Variants in FHIT observed in about 807,000 individuals in gnomAD.
FHIT encodes bis(5'-adenosyl)-triphosphatase.
FHIT carries 19 observed loss-of-function variants against 17.9 expected under a neutral mutation model. The observed-to-expected ratio is 1.06, with a 90% CI of 0.74 to 1.56. The LOEUF (loss-of-function observed/expected upper bound fraction) is 1.56. Ranked by LOEUF, FHIT falls within the 40% of genes most tolerant of loss-of-function variation. The probability of loss-of-function intolerance (pLI) is 0.00; values close to 1 mark genes in which losing one functional copy is unlikely to be tolerated. For missense variants in FHIT, 248 were observed against 189.2 expected, an observed-to-expected ratio of 1.31 and a Z score of -1.82; for synonymous variants, 81 against 69.7, an observed-to-expected ratio of 1.16 and a Z score of -0.81.
At chr3:60,957,453 G>A (rs1425124477) in intron 3 of FHIT, among the ~76,000 whole-genome samples, 2 of 151,960 alleles carry the variant, frequency 1.3e-5, no homozygotes, top group Non-Finnish European at 2.9e-5. Context: ...TAGCCACGAT[G>A]GTCTTGATCT....
At chr3:60,754,763 C>T (rs1440987317) in intron 4 of FHIT, among the ~76,000 whole-genome samples, 2 of 152,096 alleles carry the variant, frequency 1.3e-5, no homozygotes, top group African/African-American at 4.8e-5. Context: ...TCAACATTTA[C>T]CCTTTCTACA....
intron 4 of FHIT, among the ~76,000 whole-genome samples, chr3:60,783,986 C>CA (rs2108102455): frequency 6.6e-6 from 1 of 152,318 alleles, no homozygotes. Context: ...TTCAAACAGA[C>CA]ATATCACCCC....
chr3:61,035,966 G>A (rs890678274), intron 3 of FHIT, among the ~76,000 whole-genome samples: 2 of 152,158 alleles, frequency 1.3e-5, no homozygotes, highest in African/African-American at 4.8e-5. Context: ...TAGAGACAAT[G>A]CTCAAAATTT....
chr3:60,266,169 G>A (rs1706568117), intron 5 of FHIT, among the ~76,000 whole-genome samples: 1 of 151,970 alleles, frequency 6.6e-6, no homozygotes, highest in African/African-American at 2.4e-5. Flanking sequence ...ATTGATGGAT[G>A]AAAAGATAAA....
chr3:60,628,874 C>T (rs72872716), intron 4 of FHIT, among the ~76,000 whole-genome samples: 1,638 of 152,222 alleles, frequency 0.011, 37 homozygotes, highest in African/African-American at 0.038. Context: ...AGCTGGCAGG[C>T]AGAGTAACAC....
intron 3 of FHIT, among the ~76,000 whole-genome samples, chr3:60,914,834 G>T (rs1038237414): frequency 1.3e-5 from 2 of 152,192 alleles, no homozygotes; most frequent in Non-Finnish European, 2.9e-5. Context: ...AGAAATGTAG[G>T]CATTGCCAAA....
At chr3:61,167,973 G>C (rs2037891312) in intron 2 of FHIT, among the ~76,000 whole-genome samples, 1 of 152,158 alleles carries the variant, frequency 6.6e-6, no homozygotes, top group Non-Finnish European at 1.5e-5. Flanking sequence ...TCTATATCCA[G>C]TAACTATATC....
chr3:60,998,886 C>T (rs577011246), intron 3 of FHIT, among the ~76,000 whole-genome samples: 10 of 150,688 alleles, frequency 6.6e-5, no homozygotes, highest in East Asian at 5.9e-4. Flanking sequence ...ATTCAGGTAG[C>T]GAAGTCTAAA....
At chr3:60,986,274 C>A (rs1164704158) in intron 3 of FHIT, among the ~76,000 whole-genome samples, 1 of 152,184 alleles carries the variant, frequency 6.6e-6, no homozygotes, top group East Asian at 1.9e-4. Context: ...GAATTACTAT[C>A]ACTATCAAAG....
Position 60,223,807 on chromosome 3 carries a change from C to T in FHIT, c.104-209655G>A, listed in dbSNP as rs1331010793. ...CAATAGGACCCTGGGTTTTTCTCCC[C>T]TTCAGTAACCCTTAGCACAATGGTC... On this transcript the variant is annotated intron_variant, in intron 5 of 9. Coordinates refer to ENST00000492590, the MANE Select transcript of FHIT (RefSeq NM_002012.4). Among the ~76,000 whole-genome samples the T allele has an allele frequency of 2.0e-5, 3 of 152,098 alleles. No homozygotes were observed. In the East Asian group the frequency reaches 5.8e-4, roughly 29 times the overall value.
intron 5 of FHIT, among the ~76,000 whole-genome samples, chr3:60,448,139 G>A (rs2031473128): frequency 6.6e-6 from 1 of 152,072 alleles, no homozygotes; most frequent in Admixed American, 6.6e-5. Flanking sequence ...GGATTATAAC[G>A]GACTATAGCA....
At chr3:61,155,303 T>A (rs939254325) in intron 2 of FHIT, among the ~76,000 whole-genome samples, 1 of 152,208 alleles carries the variant, frequency 6.6e-6, no homozygotes, top group African/African-American at 2.4e-5. Flanking sequence ...CACAGGACTT[T>A]GCTACAGCCC....
At chr3:59,876,744 G>C (rs185331359) in intron 8 of FHIT, among the ~76,000 whole-genome samples, 28 of 152,282 alleles carry the variant, frequency 1.8e-4, no homozygotes, top group Non-Finnish European at 3.8e-4. Context: ...AGACACTGCT[G>C]GTTGTCTACC....
At chr3:60,552,700 G>T (rs1458932439) in intron 4 of FHIT, among the ~76,000 whole-genome samples, 1 of 152,100 alleles carries the variant, frequency 6.6e-6, no homozygotes, top group Non-Finnish European at 1.5e-5. Flanking sequence ...TCCCTCTTCT[G>T]CTCCAGAGCT....
At chr3:59,902,043 A>G (rs7643604) in intron 8 of FHIT, among the ~76,000 whole-genome samples, 9,064 of 152,262 alleles carry the variant, frequency 0.06, 629 homozygotes, top group African/African-American at 0.17. Flanking sequence ...TGGAAACCAT[A>G]TATCAGACAG....
intron 4 of FHIT, among the ~76,000 whole-genome samples, chr3:60,707,731 T>C (rs1420719168): frequency 6.6e-6 from 1 of 152,152 alleles, no homozygotes; most frequent in Non-Finnish European, 1.5e-5. Flanking sequence ...GATTAGAAAA[T>C]ATTGTTTAAA....
rs367923418 is a variant in FHIT at position 60,990,924 on chromosome 3, C to T, written c.-111+51123G>A. ...TTCCTTTGTTTATTCAGGCAATACC[C>T]GTTTGAGTACCTACTAAGCGCCAGG... On this transcript the variant is annotated intron_variant, in intron 3 of 9. Coordinates refer to ENST00000492590, the MANE Select transcript of FHIT (RefSeq NM_002012.4). 7.2e-5 allele frequency among the ~76,000 whole-genome samples: 11 copies of T among 152,200 alleles called. No individual in the cohort carries two copies. The South Asian group carries it at 8.3e-4, about 11-fold the overall frequency.
At chr3:60,047,834 C>T (rs117356419) in intron 5 of FHIT, among the ~76,000 whole-genome samples, 1 of 152,208 alleles carries the variant, frequency 6.6e-6, no homozygotes, top group African/African-American at 2.4e-5. Flanking sequence ...TCAACCCCAT[C>T]TGACTTAGGG....
intron 2 of FHIT, among the ~76,000 whole-genome samples, chr3:61,054,738 T>C (rs923553772): frequency 1.3e-5 from 2 of 152,306 alleles, no homozygotes; most frequent in South Asian, 4.1e-4. Context: ...CTGGTCTGGA[T>C]GGACAGCTGT....
Sources: allele counts gnomAD v4.1 joint callset (sites outside exome capture counted in the v4.1 genomes callset), GRCh38; gene constraint gnomAD v4.1.1; transcripts MANE v1.5; gene names NCBI Gene and HGNC (gene_info 2026-07-23, HGNC 2026-07-21).